The following FILIP1L variants were observed in gnomAD, a reference collection of about 807,000 sequenced individuals.
FILIP1L encodes the protein filamin A-interacting protein 1-like.
In FILIP1L, 55 loss-of-function variants were observed where a neutral mutation model predicts 96.6. That is an observed-to-expected ratio of 0.57 (90% confidence interval 0.46 to 0.71). FILIP1L has a LOEUF of 0.71. Among genes scored for constraint, FILIP1L ranks in the 30% least tolerant of loss-of-function variants. The pLI is 0.00. For synonymous variants in FILIP1L, 467 were observed against 473.9 expected (o/e 0.99, Z 0.19); for missense variants, 1,304 against 1,321.2 (o/e 0.99, Z 0.20).
intron 4 of FILIP1L, among the ~76,000 whole-genome samples, chr3:99,914,497 A>T (rs1403904289): frequency 1.3e-5 from 2 of 152,186 alleles, no homozygotes; most frequent in Non-Finnish European, 2.9e-5. Context: ...AGTCTGATTC[A>T]TGTCATTAAC....
chr3:99,840,043 A>C (rs540320365), intron 5 of FILIP1L, among the ~76,000 whole-genome samples: 65 of 152,176 alleles, frequency 4.3e-4, no homozygotes, highest in African/African-American at 1.5e-3. Context: ...GGGGGATGCT[A>C]CATGGTGTGT....
chr3:99,982,787 T>C (rs1015474041), intron 1 of FILIP1L, among the ~76,000 whole-genome samples: 4 of 152,236 alleles, frequency 2.6e-5, no homozygotes, highest in Admixed American at 6.5e-5. Context: ...TTCAAAAATG[T>C]GCTTATAAAA....
chr3:99,868,253 A>G (rs1183787365), intron 4 of FILIP1L, among the ~76,000 whole-genome samples: 4 of 150,356 alleles, frequency 2.7e-5, no homozygotes, highest in Non-Finnish European at 5.9e-5. Context: ...TAGCAGGGAA[A>G]TCAAGGTAAA....
chr3:100,095,893 C>T (rs1056519195), intron 1 of FILIP1L, among the ~76,000 whole-genome samples: 1 of 151,898 alleles, frequency 6.6e-6, no homozygotes, highest in Non-Finnish European at 1.5e-5. Context: ...TTAATAACTG[C>T]AGTATATAAG....
At chr3:100,099,430 G>C (rs1357256081) in intron 1 of FILIP1L, among the ~76,000 whole-genome samples, 2 of 152,116 alleles carry the variant, frequency 1.3e-5, no homozygotes, top group African/African-American at 4.8e-5. Context: ...AGTATACAAG[G>C]GTAAGGAAGG....
At chr3:99,843,765 A>G (rs989022670) in intron 5 of FILIP1L, among the ~76,000 whole-genome samples, 2 of 152,176 alleles carry the variant, frequency 1.3e-5, no homozygotes, top group East Asian at 1.9e-4. Context: ...GTAGCAGTCC[A>G]TGGCTTGTTA....
intron 1 of FILIP1L, among the ~76,000 whole-genome samples, chr3:100,074,064 C>CT (rs1268984563): frequency 6.6e-6 from 1 of 151,882 alleles, no homozygotes; most frequent in Non-Finnish European, 1.5e-5. Context: ...TTGTGGGGGC[C>CT]TTTTTTTTCC....
intron 4 of FILIP1L, among the ~76,000 whole-genome samples, chr3:99,860,973 CATCT>C (rs1944221466): frequency 6.6e-6 from 1 of 152,106 alleles, no homozygotes. Flanking sequence ...ACTCAGATGA[CATCT>C]ATCAAGAAGG....
chr3:100,053,333 A>G (rs1194706074), intron 1 of FILIP1L, among the ~76,000 whole-genome samples: 1 of 152,202 alleles, frequency 6.6e-6, no homozygotes, highest in East Asian at 1.9e-4. Context: ...TGCTTCCTTC[A>G]AAGGCCGTAG....
chr3:100,063,243 T>C (rs2065604569), intron 1 of FILIP1L, among the ~76,000 whole-genome samples: 1 of 152,204 alleles, frequency 6.6e-6, no homozygotes. Context: ...AAATAAGCCC[T>C]GGTACTGCTT....
chr3:100,027,793 G>A (rs750850381), intron 1 of FILIP1L, among the ~76,000 whole-genome samples: 7 of 152,154 alleles, frequency 4.6e-5, no homozygotes, highest in Non-Finnish European at 8.8e-5. Context: ...ATAAGTCAGA[G>A]GAAGATTATC....
chr3:99,830,166 A>G lies in FILIP1L; in HGVS notation c.*248T>C, dbSNP rs1208329633. The G allele has an allele frequency of 1.2e-4, 30 of 247,814 alleles. 1 individual carries two copies. The South Asian group carries it at 1.3e-3, about 10-fold the overall frequency. 15.4% of individuals were successfully genotyped at this position (247,814 alleles called of 1,614,324 possible). A position where few individuals can be genotyped will look rare whatever the true frequency, so the allele number is the denominator to read the frequency against. ...AGATAGTTCATCTTTGGGTTAGATT[A>G]TATGTCGGATGAGGAAATGGGTAGA... On this transcript the variant is annotated 3_prime_UTR_variant, in exon 6 of 6. Coordinates refer to ENST00000477258, the MANE Select transcript of FILIP1L (RefSeq NM_001387850.1).
intron 1 of FILIP1L, among the ~76,000 whole-genome samples, chr3:100,003,281 A>T (rs993610754): frequency 1.3e-5 from 2 of 152,248 alleles, no homozygotes; most frequent in African/African-American, 2.4e-5. Flanking sequence ...ACATTGACTC[A>T]GTCAAACCAG....
At chr3:99,973,444 G>C (rs1705811410) in intron 1 of FILIP1L, among the ~76,000 whole-genome samples, 1 of 152,024 alleles carries the variant, frequency 6.6e-6, no homozygotes, top group Admixed American at 6.6e-5. Context: ...ATATAAAATA[G>C]AAATCTAAAA....
At chr3:99,964,758 C>T (rs1320963724) in intron 1 of FILIP1L, among the ~76,000 whole-genome samples, 1 of 152,082 alleles carries the variant, frequency 6.6e-6, no homozygotes, top group East Asian at 1.9e-4. Flanking sequence ...AAAGAGGTCC[C>T]CTAGGAGACT....
chr3:99,882,179 ATAAGAG>A (rs1251339637), intron 4 of FILIP1L, among the ~76,000 whole-genome samples: 10 of 152,254 alleles, frequency 6.6e-5, no homozygotes, highest in African/African-American at 2.4e-4. Context: ...AAGTAAAAAA[ATAAGAG>A]TAAAACTATT....
intron 1 of FILIP1L, among the ~76,000 whole-genome samples, chr3:100,098,261 T>C (rs1322508938): frequency 6.6e-6 from 1 of 152,180 alleles, no homozygotes; most frequent in African/African-American, 2.4e-5. Context: ...TAAGCTTCAG[T>C]AGAAGGAGGT....
chr3:99,989,087 T>G (rs1709438268), intron 1 of FILIP1L, among the ~76,000 whole-genome samples: 1 of 152,206 alleles, frequency 6.6e-6, no homozygotes, highest in Admixed American at 6.5e-5. Context: ...TGTTTTGTGA[T>G]TCACTCACAG....
intron 1 of FILIP1L, among the ~76,000 whole-genome samples, chr3:100,095,134 T>C (rs1381176198): frequency 6.6e-6 from 1 of 152,178 alleles, no homozygotes; most frequent in Non-Finnish European, 1.5e-5. Flanking sequence ...TCTTGATTAC[T>C]ATAGTTAAAA....
Sources: allele counts gnomAD v4.1 joint callset (sites outside exome capture counted in the v4.1 genomes callset), GRCh38; gene constraint gnomAD v4.1.1; transcripts MANE v1.5; gene names NCBI Gene and HGNC (gene_info 2026-07-23, HGNC 2026-07-21).